Variants in NHLRC1 observed in about 807,000 individuals in gnomAD.
NHLRC1 encodes the protein NHL repeat containing E3 ubiquitin protein ligase 1, also known as E3 ubiquitin-protein ligase NHLRC1.
A neutral mutation model predicts 14.6 loss-of-function variants in NHLRC1; 10 were observed. The observed-to-expected ratio is 0.69, with a 90% CI of 0.42 to 1.17. The LOEUF is 1.17. Ranked by LOEUF, NHLRC1 falls within the 50% of genes most tolerant of loss-of-function variation. The probability of loss-of-function intolerance (pLI) is 0.00; values close to 1 mark genes in which losing one functional copy is unlikely to be tolerated. For missense variants in NHLRC1, 526 were observed against 522.9 expected, an observed-to-expected ratio of 1.01 and a Z score of -0.06; for synonymous variants, 231 against 224.0, an observed-to-expected ratio of 1.03 and a Z score of -0.28.
At position 18,122,079 on chromosome 6, in the gene NHLRC1, G is replaced by A. The variant is rs1403101337; in HGVS notation, c.528C>T (p.Tyr176=). The A allele has an allele frequency of 2.5e-6, 4 of 1,614,054 alleles. No individual in the cohort carries two copies. The highest frequency in any genetic ancestry group is 1.7e-5 in the Admixed American group (1 of 60,010). ...EKGDAAQDIR[Y]PVDVTITNDC... is the part of the protein sequence containing the mutation. ...CGTTGGTGATGGTGACATCCACAGGGTACCTAATGTCTTGGGCAGCGTCCC... is the reference window on the plus strand; with the variant it reads ...CGTTGGTGATGGTGACATCCACAGGATACCTAATGTCTTGGGCAGCGTCCC... Residue 176 remains tyrosine, a synonymous_variant, in exon 1 of 1, where the codon TAC becomes TAT. Transcript: ENST00000340650.
chr6:18,121,325 C>A lies in NHLRC1; in HGVS notation c.*94G>T. 2 of 910,780 alleles carry A rather than the reference C, an allele frequency of 2.2e-6. No homozygotes were observed. Among genetic ancestry groups the A allele is most frequent in the Non-Finnish European group, 1.8e-6 (1 of 565,096 alleles). 56.4% of individuals were successfully genotyped at this position (910,780 alleles called of 1,614,324 possible). A position where few individuals can be genotyped will look rare whatever the true frequency, so the allele number is the denominator to read the frequency against. ...TGCCAGATGGTTTTAATTATCCCTGCCTGGATAGATGAGTTTAAGTGACTT... is the reference window on the plus strand; with the variant it reads ...TGCCAGATGGTTTTAATTATCCCTGACTGGATAGATGAGTTTAAGTGACTT... On this transcript the variant is annotated 3_prime_UTR_variant, in exon 1 of 1. Coordinates refer to ENST00000340650, the MANE Select transcript of NHLRC1 (RefSeq NM_198586.3). This position sits in a 1 kb window ranked among gnomAD's most constrained non-coding sequence, Gnocchi z 4.7.
At position 18,122,286 on chromosome 6, in the gene NHLRC1, G is replaced by A. The variant is rs772440533; in HGVS notation, c.321C>T (p.Ala107=). ...LRQSPAAHRA[A]PSAPGALTCH... ...AGGTGAGGGCTCCGGGGGCGCTGGG[G>A]GCGGCGCGATGGGCGGCCGGGGACT... The change falls in exon 1 of 1, where the codon GCC becomes GCT. Residue 107 remains alanine (A), a synonymous_variant. Transcript: ENST00000340650. The A allele has an allele frequency of 1.3e-6, 2 of 1,598,448 alleles. No homozygotes were observed. The highest frequency in any genetic ancestry group is 2.2e-5 in the South Asian group (2 of 90,784).
chr6:18,122,059 G>A lies in NHLRC1; in HGVS notation c.548C>T (p.Thr183Ile). The A allele has an allele frequency of 6.2e-7, 1 of 1,614,232 alleles. No homozygotes were observed. Among genetic ancestry groups the A allele is most frequent in the South Asian group, 1.1e-5 (1 of 91,082 alleles). The change falls in exon 1 of 1, where the codon ACC becomes ATC. Residue 183 changes from threonine to isoleucine, a missense_variant. Transcript: ENST00000340650. Reference protein sequence around the residue: ...DIRYPVDVTITNDCHVVVTDA... With the variant: ...DIRYPVDVTIINDCHVVVTDA... ...AGTGACAACCACATGGCAGTCGTTG[G>A]TGATGGTGACATCCACAGGGTACCT... is the stretch of plus-strand genomic sequence containing the variant.
Position 18,122,661 on chromosome 6 carries a change from C to G in NHLRC1, c.-55G>C. ...CCTGGCCGTGCCCCAGCGACGCTCT[C>G]GGTCACGGTCACAGTCATGGTCACG... On this transcript the variant is annotated 5_prime_UTR_variant, in exon 1 of 1. Transcript: ENST00000340650. 1 of 1,482,728 alleles carries G rather than the reference C, an allele frequency of 6.7e-7. No individual in the cohort carries two copies. Among genetic ancestry groups the G allele is most frequent in the South Asian group, 1.2e-5 (1 of 85,978 alleles). The allele number at this position is 1,482,728 out of a possible 1,614,324, so 91.8% of individuals were successfully genotyped here.
Position 18,121,911 on chromosome 6 carries a change from A to G in NHLRC1, c.696T>C (p.Thr232=), listed in dbSNP as rs770214773. ...ETTPQNGIVV[T]DAEAGSLHLL... ...GGTGCAGGGACCCTGCCTCCGCATCAGTTACCACAATCCCATTCTGAGGGG... is the reference window on the plus strand; with the variant it reads ...GGTGCAGGGACCCTGCCTCCGCATCGGTTACCACAATCCCATTCTGAGGGG... Residue 232 remains threonine, a synonymous_variant, in exon 1 of 1, where the codon ACT becomes ACC. Coordinates refer to ENST00000340650, the MANE Select transcript of NHLRC1 (RefSeq NM_198586.3). This position sits in a 1 kb window ranked among gnomAD's most constrained non-coding sequence, Gnocchi z 4.7. 6.2e-7 allele frequency: 1 copy of G among 1,614,222 alleles called. No individual in the cohort carries two copies. The highest frequency in any genetic ancestry group is 8.5e-7 in the Non-Finnish European group (1 of 1,180,030).
rs1161999387 is a variant in NHLRC1, at chr6:18,121,887, G to A, written c.720C>T (p.His240=). 2 of 1,614,040 alleles carry A rather than the reference G, an allele frequency of 1.2e-6. No individual in the cohort carries two copies. The highest frequency in any genetic ancestry group is 3.3e-5 in the Admixed American group (2 of 60,008). The change falls in exon 1 of 1, where the codon CAC becomes CAT. Residue 240 remains histidine (H), a synonymous_variant. Transcript: ENST00000340650. This position sits in a 1 kb window ranked among gnomAD's most constrained non-coding sequence, Gnocchi z 4.7. The stretch of plus-strand genomic sequence containing the variant: ...CTTCCGCGAAGTCGACGTCCAGGAG[G>A]TGCAGGGACCCTGCCTCCGCATCAG... ...VVTDAEAGSL[H]LLDVDFAEGV... is the part of the protein sequence containing the mutation.
At position 18,122,639 on chromosome 6, in the gene NHLRC1, G is replaced by A. The variant is rs745979194; in HGVS notation, c.-33C>T. On this transcript the variant is annotated 5_prime_UTR_variant, in exon 1 of 1. Coordinates refer to ENST00000340650, the MANE Select transcript of NHLRC1 (RefSeq NM_198586.3). Reference sequence around the variant, plus strand: ...CCTGTGCACTCCCGCCGCGCCGCCTGGCCGTGCCCCAGCGACGCTCTCGGT... The same window carrying A: ...CCTGTGCACTCCCGCCGCGCCGCCTAGCCGTGCCCCAGCGACGCTCTCGGT... 4.5e-6 allele frequency: 7 copies of A among 1,566,174 alleles called. No homozygotes were observed. The highest frequency in any genetic ancestry group is 6.0e-6 in the Non-Finnish European group (7 of 1,157,862).
rs1354482539 is a variant in NHLRC1 at position 18,122,510 on chromosome 6, A to G, written c.97T>C (p.Phe33Leu). 3.8e-6 allele frequency: 6 copies of G among 1,597,370 alleles called. No homozygotes were observed. Among genetic ancestry groups the G allele is most frequent in the Non-Finnish European group, 5.1e-6 (6 of 1,179,578 alleles). ...GGGCGCCGCTGCTGCCGGTGGCCAA[A>G]CTTCTCAAAGCACACCTTGCACTCG... ...LLECKVCFEK[F>L]GHRQQRRPRN... Residue 33 changes from phenylalanine (F) to leucine (L), a missense_variant, in exon 1 of 1, where the codon TTT (phenylalanine) becomes CTT (leucine). Transcript: ENST00000340650.
At position 18,122,485 on chromosome 6, in the gene NHLRC1, G is replaced by T. The variant is rs759908693; in HGVS notation, c.122C>A (p.Pro41Gln). Residue 41 changes from proline (P) to glutamine (Q), a missense_variant, in exon 1 of 1, where the codon CCG becomes CAG. Physicochemically the swap from Pro to Gln is moderately conservative, Grantham distance 76. Transcript: ENST00000340650. ...CACGTGGCCGCAGGACAGGTTGCGC[G>T]GGCGCCGCTGCTGCCGGTGGCCAAA... ...EKFGHRQQRR[P>Q]RNLSCGHVVC... 8 of 1,596,904 alleles carry T rather than the reference G, an allele frequency of 5.0e-6. No individual in the cohort carries two copies.
In NHLRC1 at chr6:18,122,627, G is replaced by A. The variant is rs1486171574; in HGVS notation, c.-21C>T. 1.9e-6 allele frequency: 3 copies of A among 1,580,084 alleles called. No homozygotes were observed. The highest frequency in any genetic ancestry group is 2.3e-5 in the East Asian group (1 of 44,370). ...GCCATGGCGCGTCCTGTGCACTCCC[G>A]CCGCGCCGCCTGGCCGTGCCCCAGC... On this transcript the variant is annotated 5_prime_UTR_variant, in exon 1 of 1. Coordinates refer to ENST00000340650, the MANE Select transcript of NHLRC1 (RefSeq NM_198586.3).
rs1330752493 is a variant in NHLRC1 at position 18,122,493 on chromosome 6, C to T, written c.114G>A (p.Gln38=). The part of the protein sequence containing the change: ...VCFEKFGHRQ[Q]RRPRNLSCGH... Reference sequence around the variant, plus strand: ...CGCAGGACAGGTTGCGCGGGCGCCGCTGCTGCCGGTGGCCAAACTTCTCAA... The same window carrying T: ...CGCAGGACAGGTTGCGCGGGCGCCGTTGCTGCCGGTGGCCAAACTTCTCAA... Residue 38 remains glutamine, a synonymous_variant, in exon 1 of 1, where the codon CAG becomes CAA. Coordinates refer to ENST00000340650, the MANE Select transcript of NHLRC1 (RefSeq NM_198586.3). The T allele has an allele frequency of 8.1e-6, 13 of 1,597,286 alleles. No homozygotes were observed. The highest frequency in any genetic ancestry group is 1.1e-5 in the Non-Finnish European group (13 of 1,179,522).
Position 18,122,662 on chromosome 6 carries a change from G to T in NHLRC1, c.-56C>A. ...CTGGCCGTGCCCCAGCGACGCTCTC[G>T]GTCACGGTCACAGTCATGGTCACGG... On this transcript the variant is annotated 5_prime_UTR_variant, in exon 1 of 1. Coordinates refer to ENST00000340650, the MANE Select transcript of NHLRC1 (RefSeq NM_198586.3). The T allele has an allele frequency of 6.7e-7, 1 of 1,483,328 alleles. No individual in the cohort carries two copies. Among genetic ancestry groups the T allele is most frequent in the South Asian group, 1.2e-5 (1 of 85,960 alleles). 91.9% of individuals were successfully genotyped at this position (1,483,328 alleles called of 1,614,324 possible).
Position 18,120,961 on chromosome 6 carries a change from A to G in NHLRC1, c.*458T>C, listed in dbSNP as rs149855550. 2 of 194,240 alleles carry G rather than the reference A, an allele frequency of 1.0e-5. No homozygotes were observed. Among genetic ancestry groups the G allele is most frequent in the Non-Finnish European group, 1.1e-5 (1 of 93,212 alleles). The allele number at this position is 194,240 out of a possible 1,614,324, so 12.0% of individuals were successfully genotyped here. A position where few individuals can be genotyped will look rare whatever the true frequency, so the allele number is the denominator to read the frequency against. ...CGAGGAAGGTGGATTGCTTGAACTC[A>G]GGAGTTTGAGACCAGCCTGGGCAAC... is the stretch of plus-strand genomic sequence containing the variant. On this transcript the variant is annotated 3_prime_UTR_variant, in exon 1 of 1. Transcript: ENST00000340650.
At position 18,122,087 on chromosome 6, in the gene NHLRC1, T is replaced by G. The variant is rs766154920; in HGVS notation, c.520A>C (p.Ile174Leu). The G allele has an allele frequency of 1.9e-6, 3 of 1,613,942 alleles. No homozygotes were observed. The change falls in exon 1 of 1, where the codon ATT becomes CTT. Residue 174 changes from isoleucine (I) to leucine (L), a missense_variant. By Grantham distance (5) the Ile-to-Leu change is conservative. Coordinates refer to ENST00000340650, the MANE Select transcript of NHLRC1 (RefSeq NM_198586.3). ...FGEKGDAAQDIRYPVDVTITN... is the reference protein window; with the variant it reads ...FGEKGDAAQDLRYPVDVTITN... ...ATGGTGACATCCACAGGGTACCTAA[T>G]GTCTTGGGCAGCGTCCCCCTTCTCT...
At position 18,121,534 on chromosome 6, in the gene NHLRC1, A is replaced by C. The variant is rs1357727409; in HGVS notation, c.1073T>G (p.Met358Arg). The change falls in exon 1 of 1, where the codon ATG becomes AGG. Residue 358 changes from methionine (M) to arginine (R), a missense_variant. Transcript: ENST00000340650. This position sits in a 1 kb window ranked among gnomAD's most constrained non-coding sequence, Gnocchi z 4.7. ...KPEEFPVPKP[M>R]VTHGLSHPVA... ...AGGATGCGAAAGACCATGAGTGACC[A>C]TGGGCTTCGGTACTGGAAACTCCTC... 9 of 1,614,200 alleles carry C rather than the reference A, an allele frequency of 5.6e-6. No individual in the cohort carries two copies. Among genetic ancestry groups the C allele is most frequent in the African/African-American group, 1.3e-5 (1 of 75,068 alleles).
rs374108909 is a variant in NHLRC1, at chr6:18,121,944, C to T, written c.663G>A (p.Val221=). The T allele has an allele frequency of 1.9e-6, 3 of 1,614,098 alleles. No homozygotes were observed. The highest frequency in any genetic ancestry group is 2.5e-6 in the Non-Finnish European group (3 of 1,180,050). The part of the protein sequence containing the change: ...IGGQFSLPWG[V]ETTPQNGIVV... Reference sequence around the variant, plus strand: ...CAATCCCATTCTGAGGGGTGGTCTCCACACCCCAAGGTAAGGAGAATTGGC... The same window carrying T: ...CAATCCCATTCTGAGGGGTGGTCTCTACACCCCAAGGTAAGGAGAATTGGC... Residue 221 remains valine, a synonymous_variant, in exon 1 of 1, where the codon GTG becomes GTA. Transcript: ENST00000340650. The surrounding 1 kb of genome is among the most constrained non-coding windows in gnomAD (Gnocchi z 4.7).
In NHLRC1 at chr6:18,121,711, G is replaced by A. The variant is rs777509826; in HGVS notation, c.896C>T (p.Ser299Leu). Reference sequence around the variant, plus strand: ...CACTTGGCCGACAAGCTGCATACTTGAGCTAAACACTTTCACCCTGGTGCT... The same window carrying A: ...CACTTGGCCGACAAGCTGCATACTTAAGCTAAACACTTTCACCCTGGTGCT... ...VCSTRVKVFS[S>L]SMQLVGQVDT... Residue 299 changes from serine (S) to leucine (L), a missense_variant, in exon 1 of 1, where the codon TCA becomes TTA. Ser to Leu is a moderately radical substitution (Grantham distance 145). Transcript: ENST00000340650. The surrounding 1 kb of genome is among the most constrained non-coding windows in gnomAD (Gnocchi z 4.7). The A allele has an allele frequency of 1.2e-6, 2 of 1,614,048 alleles. No individual in the cohort carries two copies. Among genetic ancestry groups the A allele is most frequent in the Non-Finnish European group, 1.7e-6 (2 of 1,180,030 alleles).
At position 18,122,515 on chromosome 6, in the gene NHLRC1, T is replaced by A. The variant is rs1456097759; in HGVS notation, c.92A>T (p.Glu31Val). ...CCGCTGCTGCCGGTGGCCAAACTTC[T>A]CAAAGCACACCTTGCACTCGAGCAG... ...ISLLECKVCF[E>V]KFGHRQQRRP... The change falls in exon 1 of 1, where the codon GAG becomes GTG. Residue 31 changes from glutamate to valine, a missense_variant. By Grantham distance (121) the Glu-to-Val change is moderately radical. Coordinates refer to ENST00000340650, the MANE Select transcript of NHLRC1 (RefSeq NM_198586.3). The A allele has an allele frequency of 6.3e-7, 1 of 1,597,408 alleles. No homozygotes were observed. Among genetic ancestry groups the A allele is most frequent in the Non-Finnish European group, 8.5e-7 (1 of 1,179,604 alleles).
rs1783757391 is a variant in NHLRC1, at chr6:18,122,426, G to A, written c.181C>T (p.Pro61Ser). 6.3e-7 allele frequency: 1 copy of A among 1,590,982 alleles called. No individual in the cohort carries two copies. The highest frequency in any genetic ancestry group is 8.5e-7 in the Non-Finnish European group (1 of 1,176,700). ...CLACVAALAH[P>S]RTLALECPFC... is the part of the protein sequence containing the mutation. ...GGGCACTCGAGGGCCAGAGTGCGCG[G>A]GTGCGCCAGGGCGGCCACGCAGGCC... Residue 61 changes from proline (P) to serine (S), a missense_variant, in exon 1 of 1, where the codon CCG becomes TCG. Coordinates refer to ENST00000340650, the MANE Select transcript of NHLRC1 (RefSeq NM_198586.3).
Sources: gnomAD v4.1 joint callset for allele counts on GRCh38, gnomAD v4.1.1 for gene constraint, Gnocchi (gnomAD v3.1) non-coding constraint, MANE v1.5 for transcripts, NCBI Gene and HGNC (gene_info 2026-07-23, HGNC 2026-07-21) for gene names.